MORN1: variants seen among roughly 807,000 people sequenced by gnomAD.
MORN1 encodes the protein MORN repeat containing 1.
MORN1 carries 67 observed loss-of-function variants against 61.9 expected under a neutral mutation model. The ratio of observed to expected loss-of-function variants is 1.08; its 90% CI spans 0.89 to 1.33. MORN1 has a LOEUF of 1.33. Among genes scored for constraint, MORN1 ranks in the 40% most tolerant of loss-of-function variants. MORN1 has a pLI of 0.00. For missense variants in MORN1, 752 were observed against 691.2 expected (o/e 1.09, Z -0.99); for synonymous variants, 301 against 292.0 (o/e 1.03, Z -0.31).
intron 10 of MORN1, among the ~76,000 whole-genome samples, chr1:2,344,777 G>T (rs964154017): frequency 2.0e-5 from 3 of 152,236 alleles, no homozygotes; most frequent in Admixed American, 2.0e-4. Context: ...CAGAGCCTGG[G>T]GGCAGGGCTG....
chr1:2,328,171 A>G (rs986926438), intron 12 of MORN1, among the ~76,000 whole-genome samples: 7 of 152,254 alleles, frequency 4.6e-5, no homozygotes, highest in African/African-American at 1.7e-4. Context: ...CATGACGCGG[A>G]CACGTTCCTC....
intron 2 of MORN1, among the ~76,000 whole-genome samples, 156 bp downstream of exon 2, chr1:2,389,769 C>T (rs1238523912): frequency 6.6e-6 from 1 of 152,312 alleles, no homozygotes; most frequent in African/African-American, 2.4e-5. Flanking sequence ...TTCCCCTGCC[C>T]ATCCAGCCTT....
intron 12 of MORN1, among the ~76,000 whole-genome samples, chr1:2,327,455 C>T (rs1295107746): frequency 2.0e-5 from 3 of 151,802 alleles, no homozygotes; most frequent in African/African-American, 7.3e-5. Context: ...AACACAGCAA[C>T]ACAAACACAG....
intron 1 of MORN1, chr1:2,390,775 G>A (rs1297181569): frequency 3.1e-6 from 3 of 977,350 alleles, no homozygotes; most frequent in Non-Finnish European, 3.6e-6. Context: ...TTGAGACTGA[G>A]TCTTGCTCTG....
Position 2,385,898 on chromosome 1 carries a change from C to G in MORN1, c.359-1G>C. On this transcript the variant is annotated splice_acceptor_variant, in intron 4 of 13. Transcript: ENST00000378531. LOFTEE classifies it high-confidence loss of function. Reference sequence around the variant, plus strand: ...TCCCGGTCCACCAGAAACCCGTGTCCTGGAGAAGGGACCGAGAGACAGACT... The same window carrying G: ...TCCCGGTCCACCAGAAACCCGTGTCGTGGAGAAGGGACCGAGAGACAGACT... 1 of 1,613,832 alleles carries G rather than the reference C, an allele frequency of 6.2e-7. No individual in the cohort carries two copies. Among genetic ancestry groups the G allele is most frequent in the Non-Finnish European group, 8.5e-7 (1 of 1,179,922 alleles).
At chr1:2,322,790 C>G in intron 13 of MORN1, 1 of 985,446 alleles carries the variant, frequency 1.0e-6, no homozygotes, top group Middle Eastern at 5.2e-4. Flanking sequence ...GCTCAGTGGG[C>G]AGTGGCTGAG....
Position 2,321,549 on chromosome 1 carries a change from G to A in MORN1, c.1328C>T (p.Thr443Ile). ...CCTGCGCCCCAGGAACGGCGGGGTG[G>A]TCACGTCGCGGATCATGAGCACGTA... ...GEYVLMIRDVTTPPFLGRRLP... is the reference protein window; with the variant it reads ...GEYVLMIRDVITPPFLGRRLP... The change falls in exon 14 of 14, where the codon ACC becomes ATC. Residue 443 changes from threonine (T) to isoleucine (I), a missense_variant. Coordinates refer to ENST00000378531, the MANE Select transcript of MORN1 (RefSeq NM_024848.3). 1 of 1,522,012 alleles carries A rather than the reference G, an allele frequency of 6.6e-7. No individual in the cohort carries two copies. The allele number at this position is 1,522,012 out of a possible 1,614,324, so 94.3% of individuals were successfully genotyped here. A position where few individuals can be genotyped will look rare whatever the true frequency, so the allele number is the denominator to read the frequency against.
chr1:2,379,472 G>T (rs868364316), intron 6 of MORN1, among the ~76,000 whole-genome samples: 1 of 152,174 alleles, frequency 6.6e-6, no homozygotes, highest in Admixed American at 6.5e-5. Flanking sequence ...AGCTCCCAGG[G>T]AAGAAGTCAA....
chr1:2,327,519 C>G (rs527783992), intron 12 of MORN1, among the ~76,000 whole-genome samples: 24 of 152,206 alleles, frequency 1.6e-4, no homozygotes, highest in South Asian at 1.2e-3. Flanking sequence ...GAGACACAGA[C>G]ACACAGACAC....
At position 2,348,702 on chromosome 1, in the gene MORN1, CACACGCACACCTGCGCGG is replaced by C. The variant is rs1282545448; in HGVS notation, c.1036+8712_1036+8729del. On this transcript the variant is annotated intron_variant, in intron 10 of 13. Transcript: ENST00000378531. Reference sequence around the variant, plus strand: ...GCGCAGGCACGCACACACACGCACGCACACGCACACCTGCGCGGGCACGCACACGCACACCTGCGCGGG... The same window carrying C: ...GCGCAGGCACGCACACACACGCACGCGCACGCACACGCACACCTGCGCGGG... Among the ~76,000 whole-genome samples, 206 of 142,618 alleles carry C rather than the reference CACACGCACACCTGCGCGG, an allele frequency of 1.4e-3. 10 individuals are homozygous for C. Among genetic ancestry groups the C allele is most frequent in the Admixed American group, 3.8e-3 (56 of 14,694 alleles). 93.6% of individuals were successfully genotyped at this position (142,618 alleles called of 152,430 possible). A position where few individuals can be genotyped will look rare whatever the true frequency, so the allele number is the denominator to read the frequency against.
chr1:2,329,728 C>T (rs116038785), intron 12 of MORN1, among the ~76,000 whole-genome samples: 46 of 152,328 alleles, frequency 3.0e-4, no homozygotes, highest in African/African-American at 1.0e-3. Context: ...CCGGAGTCAC[C>T]ACCGCATCAC....
intron 8 of MORN1, chr1:2,363,391 C>A (rs914884259): frequency 6.6e-6 from 1 of 152,148 alleles, no homozygotes; most frequent in South Asian, 2.1e-4. Context: ...TTATGATGAT[C>A]CCCTTTTACT....
chr1:2,334,639 T>C lies in MORN1; in HGVS notation c.1250+1830A>G, dbSNP rs2643899. Among the ~76,000 whole-genome samples the C allele has an allele frequency of 0.56, 85,160 of 151,942 alleles. 26,189 individuals are homozygous for C. The highest frequency in any genetic ancestry group is 0.81 in the African/African-American group (33,715 of 41,454). The stretch of plus-strand genomic sequence containing the variant: ...AGGGGAAGTGGCCGCTGGTCACAGA[T>C]GTGTGCCCCGAAGAGACGACATCAT... On this transcript the variant is annotated intron_variant, in intron 12 of 13. Coordinates refer to ENST00000378531, the MANE Select transcript of MORN1 (RefSeq NM_024848.3). This position sits in a 1 kb window ranked among gnomAD's most constrained non-coding sequence, Gnocchi z 5.4.
chr1:2,355,480 CCCGAGGCT>C (rs1557879401), intron 10 of MORN1: 1 of 1,550,350 alleles, frequency 6.5e-7, no homozygotes, highest in Non-Finnish European at 8.7e-7. Context: ...AGCACAGACC[CCCGAGGCT>C]CTGAGGCTCT....
At chr1:2,390,109 C>T in intron 1 of MORN1, 113 bp from the exon 2 acceptor site, 7 of 988,280 alleles carry the variant, frequency 7.1e-6, no homozygotes, top group Non-Finnish European at 9.5e-6. Flanking sequence ...GGTTGGTACA[C>T]GTCACCTTCA....
At chr1:2,345,098 C>G (rs1403422216) in intron 10 of MORN1, among the ~76,000 whole-genome samples, 1 of 151,888 alleles carries the variant, frequency 6.6e-6, no homozygotes, top group African/African-American at 2.4e-5. Context: ...TGCTCACGCT[C>G]TACGCTCATG....
At chr1:2,360,318 A>G (rs148096762) in intron 8 of MORN1, among the ~76,000 whole-genome samples, 1 of 152,358 alleles carries the variant, frequency 6.6e-6, no homozygotes, top group African/African-American at 2.4e-5. Flanking sequence ...AGTAACTGGG[A>G]TCGATTGACA....
chr1:2,345,723 C>T (rs951000820), intron 10 of MORN1, among the ~76,000 whole-genome samples: 6 of 152,198 alleles, frequency 3.9e-5, no homozygotes, highest in African/African-American at 1.4e-4. Flanking sequence ...AGCTCTGACC[C>T]CAGGTGCCTG....
Position 2,357,280 on chromosome 1 carries a change from G to A in MORN1, c.1036+152C>T, listed in dbSNP as rs982710495. ...GCTTGTCTGGGGATGTGGGCTGCCC[G>A]GCCCTGCCTCCTTTCACCCACGCGT... On this transcript the variant is annotated intron_variant, in intron 10 of 13. Transcript: ENST00000378531. The surrounding 1 kb of genome is among the most constrained non-coding windows in gnomAD (Gnocchi z 6.3). The A allele has an allele frequency of 9.5e-5, 73 of 771,160 alleles. No individual in the cohort carries two copies. In the African/African-American group the frequency reaches 1.0e-3, roughly 11 times the overall value. 47.8% of individuals were successfully genotyped at this position (771,160 alleles called of 1,614,324 possible).
Sources: gnomAD v4.1 joint callset for allele counts (sites outside exome capture counted in the v4.1 genomes callset) on GRCh38, gnomAD v4.1.1 for gene constraint, Gnocchi (gnomAD v3.1) non-coding constraint, MANE v1.5 for transcripts, NCBI Gene and HGNC (gene_info 2026-07-23, HGNC 2026-07-21) for gene names.